Variants in TCF7L2 observed in about 807,000 individuals in gnomAD.
The protein encoded by TCF7L2 is transcription factor 7-like 2.
In TCF7L2, 23 loss-of-function variants were observed where a neutral mutation model predicts 77.9. That is an observed-to-expected ratio of 0.30 (90% confidence interval 0.21 to 0.42). The LOEUF (loss-of-function observed/expected upper bound fraction) is 0.42, where lower values mean the gene tolerates loss of function less well. TCF7L2 is among the 10% of genes least tolerant of loss of function. The pLI, the probability that TCF7L2 is intolerant of heterozygous loss-of-function variation, is 1.00. For synonymous variants in TCF7L2, 413 were observed against 340.2 expected, an observed-to-expected ratio of 1.21 and a Z score of -2.36; for missense variants, 654 against 793.1, an observed-to-expected ratio of 0.82 and a Z score of 2.11.
chr10:113,165,667 T>C lies in TCF7L2; in HGVS notation c.1504T>C (p.Ser502Pro), dbSNP rs776990496. Residue 502 changes from serine to proline, a missense_variant, in exon 14 of 14, where the codon TCC becomes CCC. Coordinates refer to ENST00000627217, the MANE Select transcript of TCF7L2 (RefSeq NM_001146274.2). ...TCCCCCCTCCCCGAACCTGCTAGGC[T>C]CCCCTCCCCGAGACGCCAAGTCACA... 43 of 1,562,504 alleles carry C rather than the reference T, an allele frequency of 2.8e-5. No homozygotes were observed. The highest frequency in any genetic ancestry group is 3.5e-5 in the Non-Finnish European group (40 of 1,157,792).
intron 3 of TCF7L2, among the ~76,000 whole-genome samples, chr10:112,963,950 C>G (rs1347636195): frequency 6.6e-6 from 1 of 152,096 alleles, no homozygotes. Flanking sequence ...AGAGTGCAGG[C>G]GACAGAGATG....
intron 5 of TCF7L2, among the ~76,000 whole-genome samples, chr10:113,060,951 A>AT (rs1204920862): frequency 2.0e-5 from 3 of 152,078 alleles, no homozygotes; most frequent in African/African-American, 4.8e-5. Flanking sequence ...AAAATCTTGC[A>AT]TTTTTTATCT....
intron 5 of TCF7L2, among the ~76,000 whole-genome samples, chr10:113,107,747 C>G (rs1460770294): frequency 4.4e-5 from 2 of 45,690 alleles, no homozygotes; most frequent in Non-Finnish European, 1.2e-4. Flanking sequence ...GAGCGAGACT[C>G]CGTCTAAAAA....
At chr10:113,072,420 T>G (rs1203587953) in intron 5 of TCF7L2, among the ~76,000 whole-genome samples, 2 of 151,902 alleles carry the variant, frequency 1.3e-5, no homozygotes, top group Non-Finnish European at 2.9e-5. Flanking sequence ...GGTGGTGGGA[T>G]CTCGCCTCAC....
chr10:112,974,959 T>A (rs1033718172), intron 4 of TCF7L2, among the ~76,000 whole-genome samples: 1 of 146,578 alleles, frequency 6.8e-6, no homozygotes. Context: ...AACAGATAAG[T>A]GGTTGCTTCT....
At chr10:113,002,918 C>T (rs759576721) in intron 4 of TCF7L2, among the ~76,000 whole-genome samples, 19 of 152,166 alleles carry the variant, frequency 1.2e-4, no homozygotes, top group African/African-American at 4.6e-4. Flanking sequence ...ACATTTTGCT[C>T]ATCTCTAAAT....
chr10:113,060,481 C>T (rs1407287387), intron 5 of TCF7L2, among the ~76,000 whole-genome samples: 1 of 151,954 alleles, frequency 6.6e-6, no homozygotes, highest in Non-Finnish European at 1.5e-5. Flanking sequence ...ATGGGGGGGT[C>T]AGGGGAGAGG....
chr10:113,079,021 C>T (rs1027812142), intron 5 of TCF7L2, among the ~76,000 whole-genome samples: 5 of 151,610 alleles, frequency 3.3e-5, no homozygotes, highest in African/African-American at 9.7e-5. Flanking sequence ...TTAATAGAGA[C>T]GGGGGTTTCA....
chr10:113,046,896 T>TA (rs1270612533), intron 5 of TCF7L2, among the ~76,000 whole-genome samples: 4 of 152,336 alleles, frequency 2.6e-5, no homozygotes, highest in African/African-American at 9.6e-5. Context: ...TATTTGTTTT[T>TA]AACATACTTG....
Position 113,166,142 on chromosome 10 carries a change from T to C in TCF7L2, c.*170T>C. 1.8e-6 allele frequency: 1 copy of C among 561,036 alleles called. No individual in the cohort carries two copies. Among genetic ancestry groups the C allele is most frequent in the Non-Finnish European group, 2.7e-6 (1 of 370,236 alleles). 34.8% of individuals were successfully genotyped at this position (561,036 alleles called of 1,614,324 possible). A position where few individuals can be genotyped will look rare whatever the true frequency, so the allele number is the denominator to read the frequency against. ...CATTGGTCAATATTTGACCCATTCT[T>C]ATTTCAATTTCTCCTTTTAAATATG... On this transcript the variant is annotated 3_prime_UTR_variant, in exon 14 of 14. Coordinates refer to ENST00000627217, the MANE Select transcript of TCF7L2 (RefSeq NM_001146274.2).
At chr10:112,955,646 T>C (rs2134321715) in intron 3 of TCF7L2, among the ~76,000 whole-genome samples, 1 of 152,312 alleles carries the variant, frequency 6.6e-6, no homozygotes, top group Middle Eastern at 3.4e-3. Flanking sequence ...ACAATCCTCG[T>C]TCTTGCTAGG....
At chr10:113,007,191 C>G (rs1276569426) in intron 4 of TCF7L2, among the ~76,000 whole-genome samples, 1 of 152,198 alleles carries the variant, frequency 6.6e-6, no homozygotes, top group Non-Finnish European at 1.5e-5. Flanking sequence ...GCATCTGGCT[C>G]TCTTAGAGGT....
At chr10:113,111,484 A>C (rs890937028) in intron 5 of TCF7L2, among the ~76,000 whole-genome samples, 1 of 152,006 alleles carries the variant, frequency 6.6e-6, no homozygotes, top group Middle Eastern at 3.2e-3. Context: ...CCTCCTCCTC[A>C]TTTTCATTTG....
intron 5 of TCF7L2, among the ~76,000 whole-genome samples, chr10:113,085,122 G>A (rs926701823): frequency 2.0e-5 from 3 of 151,748 alleles, no homozygotes; most frequent in Admixed American, 6.6e-5. Flanking sequence ...GCTGGAGTGC[G>A]GGGGCACAAT....
intron 5 of TCF7L2, among the ~76,000 whole-genome samples, chr10:113,099,651 C>T (rs1472641239): frequency 1.3e-5 from 2 of 152,222 alleles, no homozygotes; most frequent in African/African-American, 2.4e-5. Flanking sequence ...AGGTGACCCC[C>T]GAGCTCCCAG....
At chr10:113,032,630 T>TAGAAGGGATTTGTAAGGTA (rs1350104512) in intron 4 of TCF7L2, among the ~76,000 whole-genome samples, 14 of 152,306 alleles carry the variant, frequency 9.2e-5, no homozygotes, top group Non-Finnish European at 1.5e-4. Context: ...CTGGGAAAGA[T>TAGAAGGGATTTGTAAGGTA]AGAAGGGATT....
chr10:113,031,849 T>C (rs2050272467), intron 4 of TCF7L2, among the ~76,000 whole-genome samples: 1 of 152,244 alleles, frequency 6.6e-6, no homozygotes, highest in Non-Finnish European at 1.5e-5. Flanking sequence ...CCATTGACTG[T>C]GTCTTTAGAT....
intron 5 of TCF7L2, among the ~76,000 whole-genome samples, chr10:113,119,055 T>C (rs999482745): frequency 2.0e-5 from 3 of 152,262 alleles, no homozygotes; most frequent in South Asian, 2.1e-4. Flanking sequence ...AGCAAGAAAA[T>C]TGAAGAAAAT....
intron 5 of TCF7L2, among the ~76,000 whole-genome samples, chr10:113,068,255 A>G (rs1035376351): frequency 6.6e-6 from 1 of 152,270 alleles, no homozygotes; most frequent in African/African-American, 2.4e-5. Context: ...TGGACAAAAT[A>G]GAACAACTTT....
Sources: gnomAD v4.1 joint callset for allele counts (sites outside exome capture counted in the v4.1 genomes callset) on GRCh38, gnomAD v4.1.1 for gene constraint, MANE v1.5 for transcripts, NCBI Gene and HGNC (gene_info 2026-07-23, HGNC 2026-07-21) for gene names.